RIPOR3: variants seen among roughly 807,000 people sequenced by gnomAD.
RIPOR3 encodes the protein RIPOR family member 3.
A neutral mutation model predicts 114.3 loss-of-function variants in RIPOR3; 95 were observed. That is an observed-to-expected ratio of 0.83 (90% CI 0.70 to 0.99). The LOEUF is 0.99. Among genes scored for constraint, RIPOR3 ranks in the 50% least tolerant of loss-of-function variants. RIPOR3 has a pLI of 0.00. For missense variants in RIPOR3, 1,252 were observed against 1,266.9 expected, an observed-to-expected ratio of 0.99 and a Z score of 0.18; for synonymous variants, 575 against 543.8, an observed-to-expected ratio of 1.06 and a Z score of -0.80.
At chr20:50,592,313 C>T (rs767846465) in intron 19 of RIPOR3, 31 bp downstream of exon 19, 1 of 1,520,852 alleles carries the variant, frequency 6.6e-7, no homozygotes, top group Non-Finnish European at 8.9e-7. Context: ...CATCTGTGGC[C>T]AGGGTCTGCC....
At chr20:50,664,412 C>G (rs776343726) in intron 1 of RIPOR3, among the ~76,000 whole-genome samples, 5 of 152,204 alleles carry the variant, frequency 3.3e-5, no homozygotes, top group Non-Finnish European at 5.9e-5. Context: ...GGTCAGCAGT[C>G]GCACTGTTGG....
In RIPOR3 at chr20:50,608,449, A is replaced by G; in HGVS notation, c.896T>C (p.Val299Ala). The change falls in exon 11 of 22, where the codon GTC becomes GCC. Residue 299 changes from valine (V) to alanine (A), a missense_variant. Transcript: ENST00000327979. Reference sequence around the variant, plus strand: ...CAACTCCGTGATGTCCACCACGATGACCTGCGGCCGCGTCGTGAAGAAGTC... The same window carrying G: ...CAACTCCGTGATGTCCACCACGATGGCCTGCGGCCGCGTCGTGAAGAAGTC... ...IADFFTTRPQ[V>A]IVVDITELGT... 6.2e-7 allele frequency: 1 copy of G among 1,613,956 alleles called. No homozygotes were observed. Among genetic ancestry groups the G allele is most frequent in the Non-Finnish European group, 8.5e-7 (1 of 1,179,936 alleles).
chr20:50,599,857 A>G (rs572597337), intron 13 of RIPOR3, among the ~76,000 whole-genome samples: 1 of 152,200 alleles, frequency 6.6e-6, no homozygotes, highest in African/African-American at 2.4e-5. Context: ...AATAATGAGG[A>G]TAAATCATGT....
intron 13 of RIPOR3, among the ~76,000 whole-genome samples, chr20:50,599,621 G>A (rs910395033): frequency 1.3e-5 from 2 of 152,032 alleles, no homozygotes; most frequent in East Asian, 3.9e-4. Context: ...TGAAAAACAT[G>A]GCATTAAATA....
intron 14 of RIPOR3, 57 bp downstream of exon 14, chr20:50,597,523 G>A (rs78487613): frequency 0.012 from 18,265 of 1,558,718 alleles, 340 homozygotes; most frequent in African/African-American, 0.05. Flanking sequence ...CGTGGAGCTC[G>A]GGTCACCCGG....
intron 1 of RIPOR3, chr20:50,660,066 C>G (rs1001676645): frequency 1.3e-5 from 2 of 152,206 alleles, no homozygotes; most frequent in Non-Finnish European, 2.9e-5. Context: ...GGTCCAGATA[C>G]TTGAGCTAAA....
chr20:50,651,777 GA>G (rs1228013956), intron 1 of RIPOR3, among the ~76,000 whole-genome samples: 4 of 152,182 alleles, frequency 2.6e-5, no homozygotes, highest in Non-Finnish European at 5.9e-5. Context: ...TTAAACATTA[GA>G]AACGAGCTGA....
chr20:50,676,837 C>G (rs1002602215), intron 1 of RIPOR3, among the ~76,000 whole-genome samples: 1 of 42,744 alleles, frequency 2.3e-5, no homozygotes, highest in Non-Finnish European at 5.3e-5. Context: ...CTCCTGGGCT[C>G]AAGCAATCCT....
At chr20:50,631,467 C>T (rs962726026) in intron 1 of RIPOR3, among the ~76,000 whole-genome samples, 1 of 152,184 alleles carries the variant, frequency 6.6e-6, no homozygotes, top group South Asian at 2.1e-4. Context: ...CATGAGGGGA[C>T]TTGGTGTCAT....
chr20:50,684,727 T>C (rs2086959677), intron 1 of RIPOR3, among the ~76,000 whole-genome samples: 1 of 152,188 alleles, frequency 6.6e-6, no homozygotes, highest in Admixed American at 6.5e-5. Context: ...GTGACAGAGC[T>C]GTCAGCTTCT....
chr20:50,632,931 C>T (rs1371046357), intron 1 of RIPOR3, among the ~76,000 whole-genome samples: 3 of 152,178 alleles, frequency 2.0e-5, no homozygotes, highest in Non-Finnish European at 4.4e-5. Flanking sequence ...CCCTACAGTC[C>T]CCTCCTGTGC....
intron 1 of RIPOR3, among the ~76,000 whole-genome samples, chr20:50,631,305 C>T (rs575763323): frequency 4.5e-4 from 68 of 152,264 alleles, no homozygotes; most frequent in East Asian, 5.8e-4. Context: ...CGAACAGTTA[C>T]GATACAGAGT....
intron 3 of RIPOR3, among the ~76,000 whole-genome samples, chr20:50,619,440 CAAA>C (rs11483233): frequency 4.2e-5 from 4 of 96,380 alleles, no homozygotes; most frequent in Admixed American, 1.2e-4. Context: ...GACTCCATCT[CAAA>C]AAAAAAAAAA....
intron 1 of RIPOR3, among the ~76,000 whole-genome samples, chr20:50,669,186 C>T (rs2086373641): frequency 2.0e-5 from 3 of 152,304 alleles, no homozygotes; most frequent in Non-Finnish European, 4.4e-5. Context: ...CATACACACT[C>T]CCCTCTTCAC....
At chr20:50,650,147 A>T (rs1020607966) in intron 1 of RIPOR3, among the ~76,000 whole-genome samples, 1 of 151,912 alleles carries the variant, frequency 6.6e-6, no homozygotes, top group Non-Finnish European at 1.5e-5. Context: ...TGGTCCTCTC[A>T]TTTCATCCCC....
Position 50,664,070 on chromosome 20 carries a change from G to C in RIPOR3, c.3+27056C>G, listed in dbSNP as rs532842942. 5.9e-4 allele frequency among the ~76,000 whole-genome samples: 89 copies of C among 152,080 alleles called. 1 individual carries two copies. Among genetic ancestry groups the C allele is most frequent in the Middle Eastern group, 3.4e-3 (1 of 294 alleles). ...GCCTCCCGACTTGCTGGGATTACAG[G>C]CTCTCGCCACTACACCTGGCTAATT... On this transcript the variant is annotated intron_variant, in intron 1 of 21. Transcript: ENST00000327979.
chr20:50,608,764 C>A (rs748600300), intron 9 of RIPOR3, 26 bp from the exon 10 acceptor site: 4 of 1,613,320 alleles, frequency 2.5e-6, no homozygotes, highest in African/African-American at 1.3e-5. Flanking sequence ...AGAGGGGCCG[C>A]GTCAGCCCAG....
intron 16 of RIPOR3, chr20:50,595,001 G>C (rs937929618): frequency 1.5e-4 from 77 of 500,418 alleles, no homozygotes; most frequent in Middle Eastern, 1.0e-3. Flanking sequence ...GTCCCACGGG[G>C]CAGAGGCACA....
chr20:50,630,973 G>C, intron 1 of RIPOR3, 117 bp from the exon 2 acceptor site: 1 of 798,158 alleles, frequency 1.3e-6, no homozygotes, highest in Non-Finnish European at 2.1e-6. Flanking sequence ...AGTGTTGTGG[G>C]GGCTGGTACT....
Sources: gnomAD v4.1 joint callset for allele counts (sites outside exome capture counted in the v4.1 genomes callset) on GRCh38, gnomAD v4.1.1 for gene constraint, MANE v1.5 for transcripts, NCBI Gene and HGNC (gene_info 2026-07-23, HGNC 2026-07-21) for gene names.